The following RGPD2 variants were observed in gnomAD, a reference collection of about 807,000 sequenced individuals.
RGPD2 encodes the protein RANBP2-like and GRIP domain-containing protein 2.
RGPD2 carries 2 observed loss-of-function variants against 36.0 expected under a neutral mutation model. The ratio of observed to expected loss-of-function variants is 0.06; its 90% CI spans 0.02 to 0.17. The LOEUF is 0.17. Ranked by LOEUF, RGPD2 falls within the 10% of genes least tolerant of loss-of-function variation. RGPD2 has a pLI of 1.00. For missense variants in RGPD2, 40 were observed against 464.3 expected (o/e 0.09, Z 8.40); for synonymous variants, 19 against 163.8 (o/e 0.12, Z 6.75).
At chr2:87,935,341 A>C in the RGPD2 span, among the ~76,000 whole-genome samples, 1 of 151,382 alleles carries the variant, frequency 6.6e-6, no homozygotes, top group African/African-American at 2.4e-5. Context: ...AAGATATGAG[A>C]AAAATCATGA....
At chr2:87,971,464 T>TATATAATATGAATATTATATATAA in the RGPD2 span, among the ~76,000 whole-genome samples, 1 of 125,284 alleles carries the variant, frequency 8.0e-6, no homozygotes, top group African/African-American at 3.0e-5. Flanking sequence ...TATATATAAA[T>TATATAATATGAATATTATATATAA]ATATATATAA....
At chr2:87,914,932 A>G in the RGPD2 span, among the ~76,000 whole-genome samples, 2 of 152,122 alleles carry the variant, frequency 1.3e-5, no homozygotes, top group Admixed American at 1.3e-4. Context: ...CGGATCACCT[A>G]AGGTTGGGAG....
the RGPD2 span, among the ~76,000 whole-genome samples, chr2:87,938,006 C>T: frequency 1.3e-5 from 2 of 151,704 alleles, no homozygotes; most frequent in Non-Finnish European, 1.5e-5. Flanking sequence ...GGTTGAAACA[C>T]CTTAGTAGTA....
At chr2:87,951,106 GAGCTGCCATTCAAACCCT>G in the RGPD2 span, among the ~76,000 whole-genome samples, 1 of 110,066 alleles carries the variant, frequency 9.1e-6, no homozygotes, top group South Asian at 3.6e-4. Context: ...TAAATTCTTA[GAGCTGCCATTCAAACCCT>G]AGCCTTGTAA....
At chr2:87,864,881 A>G in the RGPD2 span, among the ~76,000 whole-genome samples, 1 of 152,234 alleles carries the variant, frequency 6.6e-6, no homozygotes, top group Non-Finnish European at 1.5e-5. Flanking sequence ...ATGGTATACA[A>G]ATATTTTCTC....
chr2:87,865,472 G>A, the RGPD2 span, among the ~76,000 whole-genome samples: 4 of 152,360 alleles, frequency 2.6e-5, no homozygotes, highest in East Asian at 3.9e-4. Flanking sequence ...CAGTGTGACT[G>A]AGTCTAGACC....
At chr2:87,961,339 T>C in the RGPD2 span, among the ~76,000 whole-genome samples, 3 of 152,116 alleles carry the variant, frequency 2.0e-5, no homozygotes, top group Non-Finnish European at 2.9e-5. Flanking sequence ...GTCAGCACTG[T>C]GTATCCTTGG....
the RGPD2 span, chr2:87,985,825 G>A: frequency 1.9e-6 from 3 of 1,611,264 alleles, no homozygotes; most frequent in Non-Finnish European, 2.5e-6. Flanking sequence ...GGTCCTACTG[G>A]AGCACTGTGG....
the RGPD2 span, among the ~76,000 whole-genome samples, chr2:87,984,505 A>G: frequency 6.6e-6 from 1 of 150,768 alleles, no homozygotes; most frequent in Non-Finnish European, 1.5e-5. Flanking sequence ...GGAAATTTTC[A>G]TTGGTATTTT....
At chr2:87,956,425 G>A in the RGPD2 span, among the ~76,000 whole-genome samples, 1 of 150,304 alleles carries the variant, frequency 6.7e-6, no homozygotes, top group East Asian at 2.0e-4. Flanking sequence ...ACGTGTGTGT[G>A]CACGCACGTG....
the RGPD2 span, among the ~76,000 whole-genome samples, chr2:87,878,803 T>C: frequency 6.6e-6 from 1 of 152,242 alleles, no homozygotes; most frequent in African/African-American, 2.4e-5. Context: ...TTGACTTTTT[T>C]AGATTTCATA....
At chr2:87,883,184 AAG>A in the RGPD2 span, among the ~76,000 whole-genome samples, 4 of 152,186 alleles carry the variant, frequency 2.6e-5, no homozygotes, top group South Asian at 2.1e-4. Flanking sequence ...AAAAAATGGA[AAG>A]AGAGTAAAAT....
chr2:87,825,373 GGCC>G (rs1170265171), intron 1 of RGPD2, among the ~76,000 whole-genome samples: 102 of 135,760 alleles, frequency 7.5e-4, no homozygotes, highest in African/African-American at 1.9e-3. Context: ...CCTACGCCGA[GGCC>G]GCCGCCGCCG....
At chr2:87,927,748 G>T in the RGPD2 span, among the ~76,000 whole-genome samples, 3 of 151,218 alleles carry the variant, frequency 2.0e-5, no homozygotes, top group African/African-American at 7.3e-5. Context: ...AGTTTAAAAG[G>T]GTCATTTATA....
intron 6 of RGPD2, among the ~76,000 whole-genome samples, chr2:87,809,294 G>A (rs1437018085): frequency 6.6e-6 from 1 of 151,074 alleles, no homozygotes; most frequent in Non-Finnish European, 1.5e-5. Flanking sequence ...AACAGAGCGA[G>A]ACTCCGTCTC....
chr2:87,857,152 C>A, the RGPD2 span, among the ~76,000 whole-genome samples: 1 of 152,112 alleles, frequency 6.6e-6, no homozygotes, highest in South Asian at 2.1e-4. Flanking sequence ...ACCTGAACTC[C>A]CTACAAAAAT....
At chr2:87,906,460 T>C in the RGPD2 span, among the ~76,000 whole-genome samples, 19 of 55,978 alleles carry the variant, frequency 3.4e-4, no homozygotes, top group African/African-American at 1.2e-3. Flanking sequence ...AAATGAGCGT[T>C]AATGCAAAAG....
chr2:87,848,797 A>G, the RGPD2 span, among the ~76,000 whole-genome samples: 1 of 149,066 alleles, frequency 6.7e-6, no homozygotes, highest in African/African-American at 2.5e-5. Context: ...GCTCTACAAA[A>G]TGACATCCTG....
chr2:87,905,450 A>G, the RGPD2 span, among the ~76,000 whole-genome samples: 7 of 152,182 alleles, frequency 4.6e-5, no homozygotes, highest in Non-Finnish European at 1.0e-4. Flanking sequence ...TAAAAACAAA[A>G]TAAGACAAAA....
Sources: allele counts gnomAD v4.1 joint callset (sites outside exome capture counted in the v4.1 genomes callset), GRCh38; gene constraint gnomAD v4.1.1; transcripts MANE v1.5; gene names NCBI Gene and HGNC (gene_info 2026-07-23, HGNC 2026-07-21).